DPP6: variants seen among roughly 807,000 people sequenced by gnomAD.
DPP6 encodes dipeptidyl peptidase like 6, also known as A-type potassium channel modulatory protein DPP6.
In DPP6, 69 loss-of-function variants were observed where a neutral mutation model predicts 122.6. The observed-to-expected ratio is 0.56, with a 90% CI of 0.46 to 0.69. The LOEUF (loss-of-function observed/expected upper bound fraction) is 0.69, where lower values mean the gene tolerates loss of function less well. DPP6 is among the 30% of genes least tolerant of loss of function. The probability of loss-of-function intolerance (pLI) is 0.00; values close to 1 mark genes in which losing one functional copy is unlikely to be tolerated. For missense variants in DPP6, 928 were observed against 1,116.9 expected (o/e 0.83, Z 2.41); for synonymous variants, 418 against 433.1 (o/e 0.97, Z 0.43).
At chr7:154,518,993 G>GCGAGGACATTCTTACTT (rs1826758677) in intron 3 of DPP6, among the ~76,000 whole-genome samples, 1 of 152,128 alleles carries the variant, frequency 6.6e-6, no homozygotes, top group Non-Finnish European at 1.5e-5. Flanking sequence ...GGAAACAAAT[G>GCGAGGACATTCTTACTT]CGAGGACATT....
chr7:154,164,013 A>C (rs1374310506), intron 1 of DPP6, among the ~76,000 whole-genome samples: 7 of 152,026 alleles, frequency 4.6e-5, no homozygotes, highest in African/African-American at 1.7e-4. Flanking sequence ...CCTCCACTCG[A>C]TGCCTGGTTT....
upstream of DPP6, among the ~76,000 whole-genome samples, chr7:153,885,998 T>C (rs1584980969): frequency 6.6e-6 from 1 of 152,182 alleles, no homozygotes; most frequent in South Asian, 2.1e-4. Context: ...TGACCTCTTA[T>C]TCTTTTTTAC....
chr7:153,877,054 C>A, the DPP6 span, among the ~76,000 whole-genome samples: 1 of 151,942 alleles, frequency 6.6e-6, no homozygotes, highest in African/African-American at 2.4e-5. Flanking sequence ...CATTACTGTA[C>A]ACTACTGTAG....
At chr7:154,819,380 C>T (rs1799621011) in intron 16 of DPP6, among the ~76,000 whole-genome samples, 1 of 152,226 alleles carries the variant, frequency 6.6e-6, no homozygotes, top group South Asian at 2.1e-4. Context: ...ATGCCATTGC[C>T]CTCCAGCGTG....
intron 10 of DPP6, among the ~76,000 whole-genome samples, chr7:154,789,987 C>T (rs536913227): frequency 6.6e-6 from 1 of 152,292 alleles, no homozygotes; most frequent in Admixed American, 6.5e-5. Flanking sequence ...CACTTGAGGC[C>T]AGGAGTTCAA....
At chr7:153,898,290 A>C (rs528866395) in intron 1 of DPP6, among the ~76,000 whole-genome samples, 1 of 152,192 alleles carries the variant, frequency 6.6e-6, no homozygotes, top group African/African-American at 2.4e-5. Context: ...CCATCTCTAA[A>C]AAAAATTTAA....
At chr7:154,615,864 C>T (rs938620973) in intron 5 of DPP6, among the ~76,000 whole-genome samples, 1 of 152,214 alleles carries the variant, frequency 6.6e-6, no homozygotes, top group African/African-American at 2.4e-5. Flanking sequence ...AACAGAAACC[C>T]TGTCCTCATT....
rs1357809202 is a variant in DPP6, at chr7:154,063,532, C to A, written c.243+10469C>A. Among the ~76,000 whole-genome samples, 3 of 132,560 alleles carry A rather than the reference C, an allele frequency of 2.3e-5. No homozygotes were observed. In the South Asian group the frequency reaches 8.2e-4, roughly 36 times the overall value. The allele number at this position is 132,560 out of a possible 152,430, so 87.0% of individuals were successfully genotyped here. On this transcript the variant is annotated intron_variant, in intron 1 of 25. Coordinates refer to ENST00000377770, the MANE Select transcript of DPP6 (RefSeq NM_130797.4). ...ACCCCCATCGCAGGAGGGGGAGGCA[C>A]CCCCCGCGAGGGTGGGGACTGAGAG...
At chr7:154,066,719 A>G (rs1341059500) in intron 1 of DPP6, among the ~76,000 whole-genome samples, 1 of 151,788 alleles carries the variant, frequency 6.6e-6, no homozygotes, top group Non-Finnish European at 1.5e-5. Context: ...ATATTGTACA[A>G]TAAAGATTTT....
chr7:154,484,972 T>C (rs895342175), intron 3 of DPP6, among the ~76,000 whole-genome samples: 6 of 149,788 alleles, frequency 4.0e-5, no homozygotes, highest in Non-Finnish European at 8.9e-5. Flanking sequence ...GTTTTTTTTT[T>C]AAATAAAGCT....
chr7:154,228,084 T>C (rs981198604), intron 1 of DPP6, among the ~76,000 whole-genome samples: 3 of 152,236 alleles, frequency 2.0e-5, no homozygotes, highest in Non-Finnish European at 4.4e-5. Context: ...TAGCCCAAGC[T>C]TAATAGAATT....
intron 1 of DPP6, among the ~76,000 whole-genome samples, chr7:154,428,967 C>G (rs930046446): frequency 6.6e-6 from 1 of 151,908 alleles, no homozygotes; most frequent in African/African-American, 2.4e-5. Flanking sequence ...ATCCACGTAA[C>G]CAAAAACCAC....
At chr7:154,567,770 G>T (rs950952068) in intron 5 of DPP6, among the ~76,000 whole-genome samples, 4 of 152,192 alleles carry the variant, frequency 2.6e-5, no homozygotes, top group African/African-American at 9.7e-5. Flanking sequence ...AGGTCAGAAT[G>T]GCTCTGTGGT....
At chr7:154,471,060 G>T (rs1822226794) in intron 2 of DPP6, among the ~76,000 whole-genome samples, 1 of 152,126 alleles carries the variant, frequency 6.6e-6, no homozygotes, top group African/African-American at 2.4e-5. Flanking sequence ...AGACCAGCCT[G>T]GCCAATATAG....
chr7:153,768,599 G>A, the DPP6 span, among the ~76,000 whole-genome samples: 23 of 152,212 alleles, frequency 1.5e-4, no homozygotes, highest in East Asian at 1.9e-3. Flanking sequence ...TTTGCTGTAC[G>A]TTTTCTTGAT....
intron 2 of DPP6, among the ~76,000 whole-genome samples, chr7:154,455,976 C>T (rs1342868979): frequency 6.6e-6 from 1 of 152,154 alleles, no homozygotes; most frequent in East Asian, 1.9e-4. Context: ...CATATTTTTA[C>T]AAGCAGCTGG....
At chr7:154,724,209 C>T (rs1841956262) in intron 7 of DPP6, among the ~76,000 whole-genome samples, 1 of 152,068 alleles carries the variant, frequency 6.6e-6, no homozygotes, top group South Asian at 2.1e-4. Context: ...ATCTGAGGAC[C>T]ACCAACATAG....
chr7:154,797,811 T>A (rs367752913), intron 12 of DPP6, among the ~76,000 whole-genome samples: 9 of 152,330 alleles, frequency 5.9e-5, no homozygotes, highest in African/African-American at 2.2e-4. Context: ...CCTCAACGAT[T>A]TTTTAAAAAA....
intron 1 of DPP6, among the ~76,000 whole-genome samples, chr7:154,291,786 G>C (rs979659605): frequency 2.0e-5 from 3 of 152,248 alleles, no homozygotes; most frequent in Admixed American, 1.3e-4. Flanking sequence ...CTTGTCCTTA[G>C]AAGGTTGCAC....
Sources: allele counts gnomAD v4.1 joint callset (sites outside exome capture counted in the v4.1 genomes callset), GRCh38; gene constraint gnomAD v4.1.1; transcripts MANE v1.5; gene names NCBI Gene and HGNC (gene_info 2026-07-23, HGNC 2026-07-21).